CNTNAP5: variants seen among roughly 807,000 people sequenced by gnomAD.
CNTNAP5 encodes contactin-associated protein-like 5.
Under a neutral mutation model 150.2 loss-of-function variants are expected in CNTNAP5, and 72 were observed. The ratio of observed to expected loss-of-function variants is 0.48; its 90% CI spans 0.40 to 0.58. CNTNAP5 has a LOEUF of 0.58. Ranked by LOEUF, CNTNAP5 falls within the 20% of genes least tolerant of loss-of-function variation. The pLI is 0.00. For missense variants in CNTNAP5, 1,636 were observed against 1,626.2 expected, an observed-to-expected ratio of 1.01 and a Z score of -0.10; for synonymous variants, 672 against 619.8, an observed-to-expected ratio of 1.08 and a Z score of -1.25.
At chr2:124,191,287 A>T (rs1400015199) in intron 1 of CNTNAP5, among the ~76,000 whole-genome samples, 1 of 152,158 alleles carries the variant, frequency 6.6e-6, no homozygotes, top group Non-Finnish European at 1.5e-5. Flanking sequence ...GAAGATCTCA[A>T]AGGATGGGGA....
intron 8 of CNTNAP5, among the ~76,000 whole-genome samples, chr2:124,512,202 CAG>C (rs1308684050): frequency 6.6e-6 from 1 of 151,758 alleles, no homozygotes; most frequent in Non-Finnish European, 1.5e-5. Context: ...GTGAGGCAGG[CAG>C]AGAGCCCACT....
intron 19 of CNTNAP5, among the ~76,000 whole-genome samples, chr2:124,843,632 T>C (rs1210559132): frequency 6.6e-6 from 1 of 152,154 alleles, no homozygotes; most frequent in Non-Finnish European, 1.5e-5. Context: ...ACCAACAGTG[T>C]AGGAGTGTTC....
intron 1 of CNTNAP5, among the ~76,000 whole-genome samples, chr2:124,148,322 G>A (rs1009673504): frequency 1.3e-5 from 2 of 150,598 alleles, no homozygotes; most frequent in African/African-American, 4.9e-5. Context: ...AGAAAAAAAA[G>A]AAAATATTCT....
chr2:124,140,162 C>T (rs993438597), intron 1 of CNTNAP5, among the ~76,000 whole-genome samples: 4 of 150,896 alleles, frequency 2.7e-5, no homozygotes, highest in African/African-American at 9.7e-5. Context: ...TCGCTGATTG[C>T]TAGCACAGCA....
At chr2:124,436,752 T>C (rs1402791245) in intron 5 of CNTNAP5, among the ~76,000 whole-genome samples, 1 of 152,164 alleles carries the variant, frequency 6.6e-6, no homozygotes, top group Non-Finnish European at 1.5e-5. Context: ...CCAACCATGG[T>C]GGTGATTAAG....
In CNTNAP5 at chr2:124,911,478, AAGACAGATGAGCGGGAACCAC is replaced by A; in HGVS notation, c.3668_3688del (p.Lys1223_Leu1230delinsIle). 1 of 1,598,762 alleles carries A rather than the reference AAGACAGATGAGCGGGAACCAC, an allele frequency of 6.3e-7. No individual in the cohort carries two copies. Among genetic ancestry groups the A allele is most frequent in the Non-Finnish European group, 8.5e-7 (1 of 1,171,990 alleles). On this transcript the variant is annotated inframe_deletion, in exon 23 of 24. Transcript: ENST00000682447. ...TTTACTCCTTTCAGATCCTTTTGGG[AAGACAGATGAGCGGGAACCAC>A]TCACAAATGCTGTTCGAAGTGATTC...
chr2:124,173,125 G>A (rs1159811369), intron 1 of CNTNAP5, among the ~76,000 whole-genome samples: 3 of 152,056 alleles, frequency 2.0e-5, no homozygotes, highest in Non-Finnish European at 4.4e-5. Context: ...ACCTCTATAA[G>A]ACAGCAAACA....
At chr2:124,592,429 A>G (rs1281408403) in intron 11 of CNTNAP5, among the ~76,000 whole-genome samples, 1 of 151,910 alleles carries the variant, frequency 6.6e-6, no homozygotes, top group Non-Finnish European at 1.5e-5. Context: ...AAATATTTAT[A>G]TATAATTAGC....
chr2:124,218,772 G>A (rs548550689), intron 1 of CNTNAP5, among the ~76,000 whole-genome samples: 1 of 152,262 alleles, frequency 6.6e-6, no homozygotes, highest in South Asian at 2.1e-4. Flanking sequence ...AGGTCTGGAA[G>A]AACAAAACTT....
chr2:124,873,652 A>G lies in CNTNAP5; in HGVS notation c.3436+3890A>G, dbSNP rs184412202. Among the ~76,000 whole-genome samples the G allele has an allele frequency of 2.4e-4, 36 of 152,178 alleles. 1 individual carries two copies. The East Asian group carries it at 6.8e-3, about 29-fold the overall frequency. On this transcript the variant is annotated intron_variant, in intron 21 of 23. Coordinates refer to ENST00000682447, the MANE Select transcript of CNTNAP5 (RefSeq NM_001367498.1). The stretch of plus-strand genomic sequence containing the variant: ...CTTTGGAACAAGGAAACCAAACCCT[A>G]TGTATCAGAAATAGAGTAAAGTAGG...
chr2:124,433,640 A>G (rs1246374411), intron 4 of CNTNAP5, among the ~76,000 whole-genome samples: 1 of 152,170 alleles, frequency 6.6e-6, no homozygotes, highest in Non-Finnish European at 1.5e-5. Context: ...GTAATTAAAC[A>G]GTCTTACATG....
chr2:124,514,138 A>T (rs1336183732), intron 8 of CNTNAP5, among the ~76,000 whole-genome samples: 3 of 152,226 alleles, frequency 2.0e-5, no homozygotes, highest in African/African-American at 7.2e-5. Flanking sequence ...TGATATCACA[A>T]CAAGCACAGA....
chr2:124,904,218 T>C (rs150079304), intron 22 of CNTNAP5, among the ~76,000 whole-genome samples: 2 of 152,250 alleles, frequency 1.3e-5, no homozygotes, highest in East Asian at 3.9e-4. Context: ...ATATAAGTTA[T>C]ATCATATAGT....
chr2:124,402,482 T>C (rs1691452364), intron 3 of CNTNAP5, among the ~76,000 whole-genome samples: 1 of 152,214 alleles, frequency 6.6e-6, no homozygotes, highest in Admixed American at 6.5e-5. Context: ...TCTGAGAGCC[T>C]ATACCCACAC....
intron 18 of CNTNAP5, among the ~76,000 whole-genome samples, chr2:124,790,636 A>G (rs1681705515): frequency 6.6e-6 from 1 of 152,186 alleles, no homozygotes; most frequent in African/African-American, 2.4e-5. Context: ...GACTTGAGCG[A>G]ATGTCTGAGG....
intron 3 of CNTNAP5, among the ~76,000 whole-genome samples, chr2:124,275,065 C>T (rs1444213623): frequency 6.6e-6 from 1 of 152,088 alleles, no homozygotes; most frequent in African/African-American, 2.4e-5. Flanking sequence ...AGAGAGAGAA[C>T]TTGTGCAGGG....
chr2:124,109,500 C>T (rs1288260181), intron 1 of CNTNAP5, among the ~76,000 whole-genome samples: 2 of 152,188 alleles, frequency 1.3e-5, no homozygotes, highest in African/African-American at 2.4e-5. Flanking sequence ...CTCTTGCCCA[C>T]CCTTGGTTCA....
intron 2 of CNTNAP5, among the ~76,000 whole-genome samples, chr2:124,236,465 C>T (rs1024980015): frequency 3.9e-5 from 6 of 152,150 alleles, no homozygotes; most frequent in Non-Finnish European, 5.9e-5. Flanking sequence ...TGGGTGATCC[C>T]GTTCTACAGG....
At chr2:124,486,147 G>C (rs1847429) in intron 7 of CNTNAP5, among the ~76,000 whole-genome samples, 2 of 152,286 alleles carry the variant, frequency 1.3e-5, no homozygotes, top group East Asian at 1.9e-4. Context: ...ATAATGGCAT[G>C]TGGAGAAACC....
Sources: gnomAD v4.1 joint callset for allele counts (sites outside exome capture counted in the v4.1 genomes callset) on GRCh38, gnomAD v4.1.1 for gene constraint, MANE v1.5 for transcripts, NCBI Gene and HGNC (gene_info 2026-07-23, HGNC 2026-07-21) for gene names.